INSL6: variants seen among roughly 807,000 people sequenced by gnomAD.
INSL6 encodes the protein insulin like 6.
In INSL6, 16 loss-of-function variants were observed where a neutral mutation model predicts 9.4. The ratio of observed to expected loss-of-function variants is 1.70; its 90% CI spans 1.15 to 2.59. The LOEUF is 2.59. Among genes scored for constraint, INSL6 ranks in the 30% most tolerant of loss-of-function variants. The probability of loss-of-function intolerance (pLI) is 0.00; values close to 1 mark genes in which losing one functional copy is unlikely to be tolerated. For missense variants in INSL6, 391 were observed against 257.3 expected, an observed-to-expected ratio of 1.52 and a Z score of -3.56; for synonymous variants, 154 against 96.9, an observed-to-expected ratio of 1.59 and a Z score of -3.46.
chr9:5,059,114 C>G, the INSL6 span, among the ~76,000 whole-genome samples: 3,838 of 152,228 alleles, frequency 0.025, 53 homozygotes, highest in East Asian at 0.07. Context: ...ACTAATCTTA[C>G]GTGTATAGCT....
chr9:5,179,745 C>T (rs556461521), intron 1 of INSL6, among the ~76,000 whole-genome samples: 2 of 152,252 alleles, frequency 1.3e-5, no homozygotes, highest in East Asian at 3.9e-4. Context: ...AATGCAGGAA[C>T]AGAAACCAAA....
At chr9:5,003,354 A>G in the INSL6 span, among the ~76,000 whole-genome samples, 1 of 151,986 alleles carries the variant, frequency 6.6e-6, no homozygotes, top group African/African-American at 2.4e-5. Context: ...TTATATCAGC[A>G]TGGTCTATCC....
chr9:5,125,254 A>T (rs1404522879), intron 3 of INSL6, among the ~76,000 whole-genome samples: 1 of 151,076 alleles, frequency 6.6e-6, no homozygotes, highest in Non-Finnish European at 1.5e-5. Context: ...AAGTTCACTT[A>T]TATAAATATA....
Position 5,129,504 on chromosome 9 carries a change from AG to A in INSL6, c.*10+3920del, listed in dbSNP as rs927737816. ...AAGTTTCTCTAATATTTCTAATGAA[AG>A]TTTCTCTAATTTGGGGGCATAATGT... On this transcript the variant is annotated intron_variant, in intron 3 of 3. Transcript: ENST00000649639. Among the ~76,000 whole-genome samples, 32 of 152,232 alleles carry A rather than the reference AG, an allele frequency of 2.1e-4. 1 individual carries two copies. Among genetic ancestry groups the A allele is most frequent in the Admixed American group, 1.6e-3 (25 of 15,296 alleles).
At chr9:5,120,214 G>A (rs1387333985), downstream of INSL6, among the ~76,000 whole-genome samples, 2 of 152,210 alleles carry the variant, frequency 1.3e-5, no homozygotes, top group Non-Finnish European at 2.9e-5. Context: ...AAGGGCGAGA[G>A]GGGCCAAATG....
the INSL6 span, among the ~76,000 whole-genome samples, chr9:5,075,701 G>T: frequency 6.6e-6 from 1 of 152,198 alleles, no homozygotes; most frequent in Non-Finnish European, 1.5e-5. Context: ...GGATATTCAT[G>T]TTATTTTCAG....
the INSL6 span, among the ~76,000 whole-genome samples, chr9:5,023,167 C>T: frequency 6.6e-6 from 1 of 152,148 alleles, no homozygotes; most frequent in Non-Finnish European, 1.5e-5. Context: ...CTCTTCCCAC[C>T]CATATAACCT....
the INSL6 span, among the ~76,000 whole-genome samples, chr9:5,106,651 A>C: frequency 1.3e-5 from 2 of 152,252 alleles, no homozygotes; most frequent in Non-Finnish European, 2.9e-5. Flanking sequence ...GAACCAACCC[A>C]AATGCCCATC....
At chr9:5,002,403 T>G in the INSL6 span, among the ~76,000 whole-genome samples, 1 of 152,124 alleles carries the variant, frequency 6.6e-6, no homozygotes, top group African/African-American at 2.4e-5. Context: ...TGGGATTATT[T>G]AGAACTATGT....
At chr9:5,140,967 T>A (rs757746551) in intron 2 of INSL6, among the ~76,000 whole-genome samples, 21 of 152,070 alleles carry the variant, frequency 1.4e-4, no homozygotes, top group Non-Finnish European at 2.5e-4. Flanking sequence ...CGGTATATGG[T>A]TTTCTGCTTC....
chr9:5,061,922 T>C, the INSL6 span, among the ~76,000 whole-genome samples: 1 of 152,178 alleles, frequency 6.6e-6, no homozygotes, highest in Non-Finnish European at 1.5e-5. Flanking sequence ...ATTGGCCTAA[T>C]TTCATTATTG....
At chr9:5,091,969 G>A in the INSL6 span, among the ~76,000 whole-genome samples, 68 of 152,114 alleles carry the variant, frequency 4.5e-4, no homozygotes, top group Non-Finnish European at 9.0e-4. Context: ...TACTGTTAGT[G>A]ATGAGGAATC....
At chr9:5,000,353 A>G in the INSL6 span, among the ~76,000 whole-genome samples, 1 of 152,198 alleles carries the variant, frequency 6.6e-6, no homozygotes, top group South Asian at 2.1e-4. Context: ...CCAATTTCGA[A>G]TGTGTAAGGA....
the INSL6 span, among the ~76,000 whole-genome samples, chr9:5,043,630 A>T: frequency 3.0e-3 from 454 of 152,370 alleles, 1 homozygote; most frequent in African/African-American, 0.01. Context: ...ACATATCCAC[A>T]AAAACTTGTA....
the INSL6 span, among the ~76,000 whole-genome samples, chr9:5,045,149 T>A: frequency 6.6e-6 from 1 of 152,234 alleles, no homozygotes; most frequent in African/African-American, 2.4e-5. Context: ...CTTGTTTTTA[T>A]GTGCTGCTAG....
the INSL6 span, among the ~76,000 whole-genome samples, chr9:5,117,626 A>G: frequency 5.9e-5 from 9 of 152,156 alleles, no homozygotes; most frequent in Admixed American, 5.2e-4. Context: ...GTTTTCCATA[A>G]AATACATTAC....
At chr9:5,005,048 TTGGGACTGCAG>T in the INSL6 span, among the ~76,000 whole-genome samples, 1 of 145,902 alleles carries the variant, frequency 6.9e-6, no homozygotes, top group African/African-American at 2.5e-5. Context: ...TCTTGAGTAG[TTGGGACTGCAG>T]GCATGTGCCA....
chr9:5,158,983 T>C (rs1824869908), downstream of INSL6, among the ~76,000 whole-genome samples: 1 of 152,026 alleles, frequency 6.6e-6, no homozygotes, highest in Admixed American at 6.6e-5. Context: ...CAACAAAAAG[T>C]TAATGAGGAG....
rs142437667 is a variant in INSL6, at chr9:5,150,586, G to A, written c.376+13593C>T. On this transcript the variant is annotated intron_variant, in intron 2 of 3. Transcript: ENST00000649639. ...TCGTCAACAAATAACAGATATTGAC[G>A]AGGATGTGGAGAAAAGAGAACACTT... 8.5e-4 allele frequency among the ~76,000 whole-genome samples: 129 copies of A among 152,184 alleles called. 1 individual carries two copies. The highest frequency in any genetic ancestry group is 2.9e-3 in the African/African-American group (120 of 41,546).
Sources: gnomAD v4.1 joint callset for allele counts (sites outside exome capture counted in the v4.1 genomes callset) on GRCh38, gnomAD v4.1.1 for gene constraint, MANE v1.5 for transcripts, NCBI Gene and HGNC (gene_info 2026-07-23, HGNC 2026-07-21) for gene names.